Variants in CCDC62 observed in about 807,000 individuals in gnomAD.
The protein encoded by CCDC62 is coiled-coil domain containing 62.
CCDC62 carries 72 observed loss-of-function variants against 80.8 expected under a neutral mutation model. The ratio of observed to expected loss-of-function variants is 0.89; its 90% confidence interval spans 0.74 to 1.08. The LOEUF is 1.08. Among genes scored for constraint, CCDC62 ranks in the 50% least tolerant of loss-of-function variants. The pLI is 0.00. For synonymous variants in CCDC62, 286 were observed against 296.5 expected (o/e 0.96, Z 0.36); for missense variants, 704 against 809.4 (o/e 0.87, Z 1.58).
intron 6 of CCDC62, among the ~76,000 whole-genome samples, chr12:122,793,099 A>G (rs975545307): frequency 2.0e-5 from 3 of 152,220 alleles, no homozygotes; most frequent in Non-Finnish European, 4.4e-5. Flanking sequence ...AAACATGCAC[A>G]GAACACTCGC....
chr12:122,801,916 G>T (rs1184806184), intron 9 of CCDC62, 64 bp downstream of exon 9: 1 of 1,534,142 alleles, frequency 6.5e-7, no homozygotes, highest in African/African-American at 1.4e-5. Context: ...GAAATACAAA[G>T]GGTGATGGAA....
chr12:122,822,103 CTTTT>C (rs60304984), intron 11 of CCDC62, among the ~76,000 whole-genome samples: 2 of 102,326 alleles, frequency 2.0e-5, no homozygotes, highest in Non-Finnish European at 2.0e-5. Flanking sequence ...CATTATTTAT[CTTTT>C]TTTTTTTTTT....
intron 9 of CCDC62, among the ~76,000 whole-genome samples, chr12:122,803,928 C>T (rs1348291526): frequency 6.6e-6 from 1 of 152,162 alleles, no homozygotes; most frequent in Non-Finnish European, 1.5e-5. Flanking sequence ...TCCTTCAAGG[C>T]CCTTTTGACC....
chr12:122,800,164 C>CT (rs59113229), intron 8 of CCDC62, among the ~76,000 whole-genome samples: 1,689 of 104,966 alleles, frequency 0.016, 72 homozygotes, highest in African/African-American at 0.048. Flanking sequence ...TGCCCGGCTA[C>CT]TTTTTTTTTT....
At chr12:122,812,823 GAA>G (rs780157575) in intron 10 of CCDC62, among the ~76,000 whole-genome samples, 4 of 147,420 alleles carry the variant, frequency 2.7e-5, no homozygotes, top group Non-Finnish European at 6.0e-5. Flanking sequence ...AAGAAAGAAA[GAA>G]AGAAAAGGAA....
rs141040263 is a variant in CCDC62 at position 122,775,405 on chromosome 12, C to T, written c.36+699C>T. Among the ~76,000 whole-genome samples, 48 of 152,274 alleles carry T rather than the reference C, an allele frequency of 3.2e-4. 1 individual carries two copies. In the East Asian group the frequency reaches 7.7e-3, roughly 25 times the overall value. On this transcript the variant is annotated intron_variant, in intron 1 of 12. Coordinates refer to ENST00000253079, the MANE Select transcript of CCDC62 (RefSeq NM_201435.5). ...GTGTAAGACGACCTGCCTTTGTGTA[C>T]TCGGCTTACTGCCTGTTTTCCTGGA...
At chr12:122,824,421 AAACAAAC>A (rs1454453763) in intron 12 of CCDC62, among the ~76,000 whole-genome samples, 1 of 51,340 alleles carries the variant, frequency 1.9e-5, no homozygotes, top group Admixed American at 3.3e-4. Flanking sequence ...GTCTCTAAAC[AAACAAAC>A]AAAAAACCAA....
At chr12:122,804,192 C>G (rs6489241) in intron 9 of CCDC62, among the ~76,000 whole-genome samples, 129,215 of 152,188 alleles carry the variant, frequency 0.85, 55,930 homozygotes, top group East Asian at 0.99. Flanking sequence ...TTCATTGTAG[C>G]TTACAGGGAA....
chr12:122,808,740 T>A (rs1030539787), intron 10 of CCDC62, among the ~76,000 whole-genome samples: 3 of 152,052 alleles, frequency 2.0e-5, no homozygotes, highest in Non-Finnish European at 4.4e-5. Flanking sequence ...TTGCCCAGGG[T>A]GGTCTCAAAC....
At chr12:122,775,451 C>T (rs1429313160) in intron 1 of CCDC62, among the ~76,000 whole-genome samples, 1 of 152,176 alleles carries the variant, frequency 6.6e-6, no homozygotes, top group Non-Finnish European at 1.5e-5. Context: ...TGCTCCTTGC[C>T]TGGAGGTCTG....
intron 11 of CCDC62, among the ~76,000 whole-genome samples, chr12:122,815,555 T>G (rs1290965402): frequency 6.6e-6 from 1 of 152,134 alleles, no homozygotes; most frequent in Non-Finnish European, 1.5e-5. Context: ...CACGCCATTC[T>G]CCTGCCTCAG....
intron 11 of CCDC62, among the ~76,000 whole-genome samples, chr12:122,822,535 G>GGTAATCAC (rs1199597532): frequency 3.4e-5 from 5 of 148,346 alleles, no homozygotes; most frequent in Non-Finnish European, 7.4e-5. Context: ...CCAAGCCTCT[G>GGTAATCAC]GTAATCACTA....
At chr12:122,780,752 A>G (rs1879807214) in intron 2 of CCDC62, among the ~76,000 whole-genome samples, 1 of 152,216 alleles carries the variant, frequency 6.6e-6, no homozygotes, top group African/African-American at 2.4e-5. Flanking sequence ...GTTACACACA[A>G]CTGAGTGAAT....
chr12:122,789,075 A>T, intron 5 of CCDC62, 146 bp downstream of exon 5: 1 of 610,592 alleles, frequency 1.6e-6, no homozygotes, highest in Non-Finnish European at 2.7e-6. Context: ...TTTATATAGG[A>T]TTATGCTGCA....
At chr12:122,786,211 C>G (rs558508508) in intron 4 of CCDC62, among the ~76,000 whole-genome samples, 1,758 of 152,000 alleles carry the variant, frequency 0.012, 36 homozygotes, top group African/African-American at 0.041. Context: ...GCAGTGGCTC[C>G]GTCTCAGCTC....
At position 122,813,279 on chromosome 12, in the gene CCDC62, G is replaced by T. The variant is rs1247090487; in HGVS notation, c.1861G>T (p.Val621Leu). ...APAFNEKASI[V>L]LPSQDDFSPT... is the part of the protein sequence containing the mutation. ...TCTTAATTTCCTGTAGGCTTCAATT[G>T]TGTTACCCTCCCAGGATGATTTCTC... is the stretch of plus-strand genomic sequence containing the variant. Residue 621 changes from valine to leucine, a missense_variant, in exon 11 of 13, where the codon GTG (valine) becomes TTG (leucine). Transcript: ENST00000253079. 1 of 1,610,324 alleles carries T rather than the reference G, an allele frequency of 6.2e-7. No individual in the cohort carries two copies. The highest frequency in any genetic ancestry group is 8.5e-7 in the Non-Finnish European group (1 of 1,178,224).
At chr12:122,791,694 C>T (rs1000703404) in intron 5 of CCDC62, among the ~76,000 whole-genome samples, 14 of 152,338 alleles carry the variant, frequency 9.2e-5, no homozygotes, top group African/African-American at 3.4e-4. Flanking sequence ...AGTGGTTTGT[C>T]CGCCTTGGCC....
intron 1 of CCDC62, among the ~76,000 whole-genome samples, chr12:122,776,048 A>G (rs1220600293): frequency 6.6e-6 from 1 of 152,244 alleles, no homozygotes; most frequent in African/African-American, 2.4e-5. Context: ...TTTATTTCAT[A>G]GGCAGGGACA....
chr12:122,805,654 A>G (rs1011693526), intron 9 of CCDC62, among the ~76,000 whole-genome samples: 3 of 151,706 alleles, frequency 2.0e-5, no homozygotes, highest in African/African-American at 7.3e-5. Context: ...AGCTGGGACT[A>G]CAGGCACCCG....
Sources: allele counts gnomAD v4.1 joint callset (sites outside exome capture counted in the v4.1 genomes callset), GRCh38; gene constraint gnomAD v4.1.1; transcripts MANE v1.5; gene names NCBI Gene and HGNC (gene_info 2026-07-23, HGNC 2026-07-21).